The following RIMS1 variants were observed in gnomAD, a reference collection of about 807,000 sequenced individuals.
The protein encoded by RIMS1 is regulating synaptic membrane exocytosis 1, also known as regulating synaptic membrane exocytosis protein 1.
A neutral mutation model predicts 214.1 loss-of-function variants in RIMS1; 83 were observed. That is an observed-to-expected ratio of 0.39 (90% CI 0.32 to 0.47). The LOEUF (loss-of-function observed/expected upper bound fraction) is 0.47, where lower values mean the gene tolerates loss of function less well. Ranked by LOEUF, RIMS1 falls within the 20% of genes least tolerant of loss-of-function variation. The pLI, the probability that RIMS1 is intolerant of heterozygous loss-of-function variation, is 0.99. For missense variants in RIMS1, 2,050 were observed against 2,161.8 expected, an observed-to-expected ratio of 0.95 and a Z score of 1.03; for synonymous variants, 793 against 786.8, an observed-to-expected ratio of 1.01 and a Z score of -0.13.
intron 1 of RIMS1, among the ~76,000 whole-genome samples, chr6:71,908,045 G>A (rs1775780921): frequency 6.6e-6 from 1 of 152,106 alleles, no homozygotes; most frequent in African/African-American, 2.4e-5. Context: ...ATGAAAAGTG[G>A]GCAAAGTGTT....
At chr6:72,256,244 T>C (rs1251280108) in intron 16 of RIMS1, among the ~76,000 whole-genome samples, 1 of 152,148 alleles carries the variant, frequency 6.6e-6, no homozygotes, top group Non-Finnish European at 1.5e-5. Flanking sequence ...GTTAAAACTT[T>C]GAATATTATA....
At chr6:72,087,686 C>A (rs563645740) in intron 2 of RIMS1, among the ~76,000 whole-genome samples, 1 of 152,336 alleles carries the variant, frequency 6.6e-6, no homozygotes, top group African/African-American at 2.4e-5. Context: ...GACTGGACCA[C>A]TTCCACCTCT....
intron 1 of RIMS1, among the ~76,000 whole-genome samples, chr6:71,889,064 T>C (rs1450619017): frequency 6.6e-6 from 1 of 152,086 alleles, no homozygotes; most frequent in African/African-American, 2.4e-5. Context: ...GATTTACAGG[T>C]TTGCTGCTGT....
intron 1 of RIMS1, among the ~76,000 whole-genome samples, chr6:71,936,366 A>C (rs1181260398): frequency 1.3e-5 from 2 of 150,296 alleles, no homozygotes; most frequent in South Asian, 2.1e-4. Flanking sequence ...AAGAAAAGGA[A>C]GGTGTGAGGG....
chr6:71,911,862 A>G (rs1443223190), intron 1 of RIMS1, among the ~76,000 whole-genome samples: 1 of 152,086 alleles, frequency 6.6e-6, no homozygotes, highest in Non-Finnish European at 1.5e-5. Context: ...TGGCCTTGCT[A>G]TTGTTTACAT....
intron 4 of RIMS1, among the ~76,000 whole-genome samples, chr6:72,100,228 A>G (rs915338129): frequency 6.6e-6 from 1 of 152,058 alleles, no homozygotes; most frequent in East Asian, 1.9e-4. Flanking sequence ...TATAATTTAT[A>G]TCATTGCAAG....
chr6:71,937,205 A>G (rs189515001), intron 1 of RIMS1, among the ~76,000 whole-genome samples: 1 of 152,230 alleles, frequency 6.6e-6, no homozygotes, highest in Non-Finnish European at 1.5e-5. Context: ...TAGGTAATTT[A>G]TAAAGAATAG....
chr6:72,287,596 C>T (rs1592040803), intron 24 of RIMS1, among the ~76,000 whole-genome samples: 1 of 140,658 alleles, frequency 7.1e-6, no homozygotes, highest in African/African-American at 2.6e-5. Flanking sequence ...GCTCTGCAAA[C>T]TTTTTTTTTT....
chr6:71,892,470 A>G (rs1469063781), intron 1 of RIMS1, among the ~76,000 whole-genome samples: 1 of 152,140 alleles, frequency 6.6e-6, no homozygotes, highest in Non-Finnish European at 1.5e-5. Flanking sequence ...TGTGGCTAGT[A>G]ACATGTTCCA....
chr6:72,093,413 T>A (rs1465163355), intron 2 of RIMS1, among the ~76,000 whole-genome samples: 1 of 151,926 alleles, frequency 6.6e-6, no homozygotes, highest in Non-Finnish European at 1.5e-5. Context: ...GTTTACACTC[T>A]GTAGTAATGC....
At chr6:72,351,855 A>G (rs566079335) in intron 29 of RIMS1, among the ~76,000 whole-genome samples, 1 of 152,318 alleles carries the variant, frequency 6.6e-6, no homozygotes, top group African/African-American at 2.4e-5. Flanking sequence ...TAACATGTAT[A>G]TCTATATAAT....
chr6:72,199,301 T>C (rs2051512884), intron 6 of RIMS1, among the ~76,000 whole-genome samples: 1 of 152,146 alleles, frequency 6.6e-6, no homozygotes, highest in Non-Finnish European at 1.5e-5. Flanking sequence ...GTAATTTAAG[T>C]AACTGATACA....
chr6:72,098,330 G>C (rs2032509121), intron 3 of RIMS1, among the ~76,000 whole-genome samples: 1 of 139,052 alleles, frequency 7.2e-6, no homozygotes, highest in Non-Finnish European at 1.5e-5. Context: ...ACAGAGTCTT[G>C]CTCTGTCACC....
intron 29 of RIMS1, among the ~76,000 whole-genome samples, chr6:72,356,162 G>A (rs1274329650): frequency 3.3e-5 from 5 of 152,014 alleles, no homozygotes; most frequent in Admixed American, 6.6e-5. Flanking sequence ...TGACCTTAAC[G>A]GTATCTTTAG....
At chr6:72,151,370 A>G (rs1311312725) in intron 4 of RIMS1, among the ~76,000 whole-genome samples, 3 of 152,082 alleles carry the variant, frequency 2.0e-5, no homozygotes, top group Non-Finnish European at 4.4e-5. Context: ...GGAAAACGTA[A>G]CCAGCGGAAT....
intron 6 of RIMS1, among the ~76,000 whole-genome samples, chr6:72,229,588 C>A (rs2061338067): frequency 1.3e-5 from 2 of 151,690 alleles, no homozygotes; most frequent in South Asian, 4.1e-4. Flanking sequence ...TTATTTATCC[C>A]AAAGTTAGCT....
chr6:71,911,511 T>C (rs533245270), intron 1 of RIMS1, among the ~76,000 whole-genome samples: 3 of 152,286 alleles, frequency 2.0e-5, no homozygotes, highest in African/African-American at 7.2e-5. Context: ...TTGGCAATAG[T>C]AAAGGAAAGA....
At chr6:72,254,680 G>C (rs1343566980) in intron 16 of RIMS1, among the ~76,000 whole-genome samples, 2 of 152,158 alleles carry the variant, frequency 1.3e-5, no homozygotes, top group Non-Finnish European at 2.9e-5. Context: ...ATAAATGCTT[G>C]CACAAATGAT....
At chr6:72,097,505 A>T (rs1269605124) in intron 3 of RIMS1, among the ~76,000 whole-genome samples, 3 of 152,222 alleles carry the variant, frequency 2.0e-5, no homozygotes, top group South Asian at 4.1e-4. Context: ...CAATTCTTTT[A>T]AAAAAGTTAA....
Sources: gnomAD v4.1 joint callset for allele counts (sites outside exome capture counted in the v4.1 genomes callset) on GRCh38, gnomAD v4.1.1 for gene constraint, MANE v1.5 for transcripts, NCBI Gene and HGNC (gene_info 2026-07-23, HGNC 2026-07-21) for gene names.